The following PMF1 variants were observed in gnomAD, a reference collection of about 807,000 sequenced individuals.
PMF1 encodes the protein polyamine modulated factor 1.
Under a neutral mutation model 26.7 loss-of-function variants are expected in PMF1, and 21 were observed. The ratio of observed to expected loss-of-function variants is 0.79; its 90% CI spans 0.56 to 1.13. PMF1 has a LOEUF of 1.13. Among genes scored for constraint, PMF1 ranks in the 50% most tolerant of loss-of-function variants. The pLI, the probability that PMF1 is intolerant of heterozygous loss-of-function variation, is 0.00. For missense variants in PMF1, 266 were observed against 254.9 expected (o/e 1.04, Z -0.30); for synonymous variants, 105 against 101.0 (o/e 1.04, Z -0.24).
intron 1 of PMF1, among the ~76,000 whole-genome samples, chr1:156,227,504 AT>A (rs966083200): frequency 2.9e-5 from 4 of 139,196 alleles, no homozygotes; most frequent in African/African-American, 3.1e-5. Context: ...ATTTTATTTT[AT>A]TTTTTTTTTG....
At position 156,220,416 on chromosome 1, in the gene PMF1, A is replaced by G. The variant is rs116513641; in HGVS notation, c.161+7240A>G. Among the ~76,000 whole-genome samples, 290 of 151,696 alleles carry G rather than the reference A, an allele frequency of 1.9e-3. 2 individuals are homozygous for G. The highest frequency in any genetic ancestry group is 6.5e-3 in the African/African-American group (269 of 41,330). ...TTTTGTAGAAATGGGGTCTTGCTACATTGCCCAGTCTGGTCTCCAACTTCT... is the reference window on the plus strand; with the variant it reads ...TTTTGTAGAAATGGGGTCTTGCTACGTTGCCCAGTCTGGTCTCCAACTTCT... On this transcript the variant is annotated intron_variant, in intron 1 of 4. Transcript: ENST00000368277.
At chr1:156,232,869 T>C (rs542078964) in intron 2 of PMF1, among the ~76,000 whole-genome samples, 1 of 151,572 alleles carries the variant, frequency 6.6e-6, no homozygotes, top group South Asian at 2.1e-4. Flanking sequence ...TTTTTAAATA[T>C]TTCCCACTTT....
intron 2 of PMF1, 73 bp downstream of exon 2, chr1:156,232,498 G>A (rs1658771602): frequency 2.1e-6 from 3 of 1,450,512 alleles, no homozygotes; most frequent in Non-Finnish European, 2.9e-6. Context: ...CCTGAGGGCA[G>A]TGGCCCCACC....
chr1:156,221,271 A>G (rs1658069563), intron 1 of PMF1, among the ~76,000 whole-genome samples: 1 of 151,992 alleles, frequency 6.6e-6, no homozygotes, highest in South Asian at 2.1e-4. Flanking sequence ...ACTCACTCAT[A>G]CTGACCTCCT....
chr1:156,226,127 T>C (rs1037955240), intron 1 of PMF1, among the ~76,000 whole-genome samples: 2 of 152,196 alleles, frequency 1.3e-5, no homozygotes, highest in African/African-American at 4.8e-5. Flanking sequence ...AGCACTGGGA[T>C]TACAGGTATG....
rs11366613 is a variant in PMF1 at position 156,217,246 on chromosome 1, G to GA, written c.161+4082dup. On this transcript the variant is annotated intron_variant, in intron 1 of 4. Coordinates refer to ENST00000368277, the MANE Select transcript of PMF1 (RefSeq NM_007221.4). ...CTTAAAGTATAATAAAAAAAAAAAA[G>GA]AAAAAAAAAAAAGGAATAGAGAGCA... 5.5e-4 allele frequency among the ~76,000 whole-genome samples: 76 copies of GA among 138,162 alleles called. 1 individual carries two copies. The highest frequency in any genetic ancestry group is 2.3e-3 in the South Asian group (10 of 4,338). The allele number at this position is 138,162 out of a possible 152,430, so 90.6% of individuals were successfully genotyped here.
In PMF1 at chr1:156,236,294, C is replaced by G. The variant is rs775120364; in HGVS notation, c.375C>G (p.Pro125=). The G allele has an allele frequency of 7.5e-6, 12 of 1,607,752 alleles. No homozygotes were observed. Among genetic ancestry groups the G allele is most frequent in the Non-Finnish European group, 1.0e-5 (12 of 1,174,716 alleles). The change falls in exon 4 of 5, where the codon CCC becomes CCG. Residue 125 remains proline, a synonymous_variant. Coordinates refer to ENST00000368277, the MANE Select transcript of PMF1 (RefSeq NM_007221.4). ...GKVRKEPAWR[P]SGIPEKDLHS... Reference sequence around the variant, plus strand: ...GCCCCGTGTGGCCCTCCAGGCGCCCCAGCGGGATCCCAGAGAAGGATCTGC... The same window carrying G: ...GCCCCGTGTGGCCCTCCAGGCGCCCGAGCGGGATCCCAGAGAAGGATCTGC...
rs527524511 is a variant in PMF1, at chr1:156,214,123, C to T, written c.161+947C>T. ...TAGAGACGAGGTTTCACCATGTTGG[C>T]CAGGCTGGTCTGGAACTCCTGACCT... On this transcript the variant is annotated intron_variant, in intron 1 of 4. Transcript: ENST00000368277. 1.6e-4 allele frequency among the ~76,000 whole-genome samples: 25 copies of T among 152,182 alleles called. No homozygotes were observed. The East Asian group carries it at 4.5e-3, about 27-fold the overall frequency.
At chr1:156,232,528 C>A in intron 2 of PMF1, 103 bp downstream of exon 2, 1 of 1,111,408 alleles carries the variant, frequency 9.0e-7, no homozygotes, top group Non-Finnish European at 1.3e-6. Flanking sequence ...TCTGTCTCCT[C>A]AGCCCCTAGA....
At chr1:156,225,027 G>A (rs917084467) in intron 1 of PMF1, among the ~76,000 whole-genome samples, 1 of 151,716 alleles carries the variant, frequency 6.6e-6, no homozygotes, top group African/African-American at 2.4e-5. Context: ...AGCCTCCCGA[G>A]TAGCTGGGAT....
intron 1 of PMF1, among the ~76,000 whole-genome samples, chr1:156,228,256 ATTTTTTTTTT>A (rs772709878): frequency 3.0e-4 from 10 of 33,566 alleles, no homozygotes; most frequent in East Asian, 8.9e-4. Context: ...GCACCTGGCG[ATTTTTTTTTT>A]TTTTTTTTTT....
chr1:156,222,910 T>C (rs968905320), intron 1 of PMF1, among the ~76,000 whole-genome samples: 13 of 152,236 alleles, frequency 8.5e-5, no homozygotes. Context: ...TAAAGTGACT[T>C]AAAGCCTACG....
intron 4 of PMF1, among the ~76,000 whole-genome samples, chr1:156,238,698 A>G (rs529532368): frequency 3.9e-5 from 6 of 152,236 alleles, no homozygotes; most frequent in Non-Finnish European, 4.4e-5. Flanking sequence ...TTCTCTTCCC[A>G]ATACCAGTTA....
rs1186178473 is a variant in PMF1, at chr1:156,239,777, G to A, written c.*176G>A. 3 of 592,738 alleles carry A rather than the reference G, an allele frequency of 5.1e-6. No individual in the cohort carries two copies. The highest frequency in any genetic ancestry group is 3.0e-5 in the Admixed American group (1 of 33,760). 36.7% of individuals were successfully genotyped at this position (592,738 alleles called of 1,614,324 possible). A position where few individuals can be genotyped will look rare whatever the true frequency, so the allele number is the denominator to read the frequency against. On this transcript the variant is annotated 3_prime_UTR_variant, in exon 5 of 5. Transcript: ENST00000368277. ...AAGCCTCACTGCCACTGTGCCTTTGGGGCACCCTTGGGGTTGGACATACAC... is the reference window on the plus strand; with the variant it reads ...AAGCCTCACTGCCACTGTGCCTTTGAGGCACCCTTGGGGTTGGACATACAC...
chr1:156,226,148 C>G (rs1028909281), intron 1 of PMF1, among the ~76,000 whole-genome samples: 2 of 152,036 alleles, frequency 1.3e-5, no homozygotes, highest in Non-Finnish European at 2.9e-5. Context: ...AGCCACTGTG[C>G]CTGGTTAATG....
chr1:156,224,361 A>G (rs1381195880), intron 1 of PMF1, among the ~76,000 whole-genome samples: 2 of 152,190 alleles, frequency 1.3e-5, no homozygotes, highest in Non-Finnish European at 2.9e-5. Context: ...CAGTCACTCT[A>G]CTGTACAACA....
chr1:156,233,166 T>G (rs1658816016), intron 2 of PMF1, among the ~76,000 whole-genome samples: 4 of 152,120 alleles, frequency 2.6e-5, no homozygotes, highest in Admixed American at 2.0e-4. Flanking sequence ...TTTTGTTTGC[T>G]TTTTTGAGGC....
At chr1:156,225,716 G>A in intron 1 of PMF1, 1 of 894,854 alleles carries the variant, frequency 1.1e-6, no homozygotes, top group Non-Finnish European at 1.8e-6. Flanking sequence ...TGTACACCGT[G>A]ATATTGTGTT....
intron 1 of PMF1, among the ~76,000 whole-genome samples, chr1:156,221,247 C>T (rs1242361880): frequency 6.6e-6 from 1 of 152,146 alleles, no homozygotes; most frequent in East Asian, 1.9e-4. Flanking sequence ...CCTCTTGTGC[C>T]CTGCTGCACT....
Sources: allele counts gnomAD v4.1 joint callset (sites outside exome capture counted in the v4.1 genomes callset), GRCh38; gene constraint gnomAD v4.1.1; transcripts MANE v1.5; gene names NCBI Gene and HGNC (gene_info 2026-07-23, HGNC 2026-07-21).